COQ6: variants seen among roughly 807,000 people sequenced by gnomAD.
COQ6 encodes the protein ubiquinone biosynthesis monooxygenase COQ6, mitochondrial.
Under a neutral mutation model 55.5 loss-of-function variants are expected in COQ6, and 45 were observed. That is an observed-to-expected ratio of 0.81 (90% CI 0.64 to 1.04). The LOEUF is 1.04. Among genes scored for constraint, COQ6 ranks in the 50% least tolerant of loss-of-function variants. The pLI is 0.00. For missense variants in COQ6, 550 were observed against 601.3 expected (o/e 0.91, Z 0.89); for synonymous variants, 206 against 230.5 (o/e 0.89, Z 0.96).
At chr14:73,960,057 G>A in intron 8 of COQ6, 2 of 1,003,198 alleles carry the variant, frequency 2.0e-6, no homozygotes, top group Non-Finnish European at 2.4e-6. Context: ...CAGCTGCCTG[G>A]GTGGTGGTTA....
In COQ6 at chr14:73,954,569, T is replaced by C. The variant is rs948689538; in HGVS notation, c.299-882T>C. 5.9e-5 allele frequency among the ~76,000 whole-genome samples: 9 copies of C among 152,044 alleles called. No individual in the cohort carries two copies. In the South Asian group the frequency reaches 1.9e-3, roughly 32 times the overall value. ...AGAACAATATGGATTTGGGGCCGGG[T>C]GCGGTGGCTCACGCCTGTAATCTCA... is the stretch of plus-strand genomic sequence containing the variant. On this transcript the variant is annotated intron_variant, in intron 2 of 11. Transcript: ENST00000334571.
In COQ6 at chr14:73,950,359, C is replaced by G. The variant is rs759823841; in HGVS notation, c.27C>G (p.Cys9Trp). The change falls in exon 1 of 12, where the codon TGC becomes TGG. Residue 9 changes from cysteine (C) to tryptophan (W), a missense_variant. By Grantham distance (215) the Cys-to-Trp change is radical. Transcript: ENST00000334571. ...TGGCGGCCCGGCTTGTCAGCCGATG[C>G]GGGGCTGTGCGTGCAGCTCCCCACA... Reference protein sequence around the residue: MAARLVSRCGAVRAAPHSG... With the variant: MAARLVSRWGAVRAAPHSG... The G allele has an allele frequency of 3.2e-6, 5 of 1,557,704 alleles. No homozygotes were observed. The highest frequency in any genetic ancestry group is 1.9e-5 in the Admixed American group (1 of 52,182).
intron 2 of COQ6, among the ~76,000 whole-genome samples, chr14:73,954,828 A>C (rs750765412): frequency 2.1e-3 from 240 of 116,718 alleles, no homozygotes; most frequent in Non-Finnish European, 3.7e-3. Context: ...TGGGCTACAG[A>C]GCGAGATTCC....
In COQ6 at chr14:73,959,224, G is replaced by A. The variant is rs199768730; in HGVS notation, c.783G>A (p.Pro261=). ...FLPSGPIALL[P]LSDTLSSLVW... ...CCTCTGGGCCTATTGCTCTGCTCCC[G>A]GTAAGAGGTCCTTCTGACCAGTCCG... The change falls in exon 7 of 12, where the codon CCG becomes CCA. Residue 261 remains proline (P), a splice_region_variant and synonymous_variant. Coordinates refer to ENST00000334571, the MANE Select transcript of COQ6 (RefSeq NM_182476.3). The A allele has an allele frequency of 1.1e-5, 17 of 1,614,202 alleles. No homozygotes were observed. The highest frequency in any genetic ancestry group is 8.9e-5 in the East Asian group (4 of 44,886).
upstream of COQ6, chr14:73,950,082 C>T: frequency 6.2e-7 from 1 of 1,606,448 alleles, no homozygotes. Context: ...GCAGCGGTGG[C>T]AGCGAGAGCT....
chr14:73,954,627 G>A (rs2056330727), intron 2 of COQ6, among the ~76,000 whole-genome samples: 1 of 151,920 alleles, frequency 6.6e-6, no homozygotes, highest in South Asian at 2.1e-4. Flanking sequence ...GCGGATCACA[G>A]GGTCAGGCGA....
intron 1 of COQ6, among the ~76,000 whole-genome samples, chr14:73,952,012 G>A (rs2056218434): frequency 7.1e-6 from 1 of 141,640 alleles, no homozygotes; most frequent in Non-Finnish European, 1.5e-5. Context: ...AGAAGATAGT[G>A]CCCTTTACAG....
In COQ6 at chr14:73,950,719, T is replaced by G. The variant is rs2056157833; in HGVS notation, c.163+224T>G. ...GGGCGTTCAGAGTCTGTTCTACTCA[T>G]GGGAAAACAGGCCTTCCCGGGGTTA... On this transcript the variant is annotated intron_variant, in intron 1 of 11. Coordinates refer to ENST00000334571, the MANE Select transcript of COQ6 (RefSeq NM_182476.3). 8.0e-6 allele frequency: 5 copies of G among 621,756 alleles called. No individual in the cohort carries two copies. The South Asian group carries it at 1.1e-4, about 14-fold the overall frequency. The allele number at this position is 621,756 out of a possible 1,614,324, so 38.5% of individuals were successfully genotyped here. A position where few individuals can be genotyped will look rare whatever the true frequency, so the allele number is the denominator to read the frequency against.
chr14:73,956,393 T>C (rs897888410), intron 4 of COQ6: 2 of 170,370 alleles, frequency 1.2e-5, no homozygotes, highest in East Asian at 2.9e-4. Flanking sequence ...GTGGAATTGC[T>C]GGGTCATATA....
At chr14:73,954,954 A>T (rs868815268) in intron 2 of COQ6, among the ~76,000 whole-genome samples, 2,948 of 107,494 alleles carry the variant, frequency 0.027, 35 homozygotes, top group Middle Eastern at 0.05. Flanking sequence ...TTTTTATTTT[A>T]TTTTTTTTTT....
upstream of COQ6, chr14:73,950,064 T>A (rs200096368): frequency 1.2e-6 from 2 of 1,609,238 alleles, no homozygotes; most frequent in East Asian, 4.5e-5. Context: ...GTGACAGCGA[T>A]AGTGGCAGCA....
intron 2 of COQ6, 171 bp from the exon 3 acceptor site, chr14:73,955,280 A>G: frequency 1.5e-6 from 1 of 682,992 alleles, no homozygotes; most frequent in East Asian, 2.7e-5. Context: ...CATGCTATAC[A>G]ACCTGGAACT....
rs1290160947 is a variant in COQ6, at chr14:73,963,023, T to C, written c.*24T>C. Reference sequence around the variant, plus strand: ...GAGTACTCCTCTCCTAAAGAAAGATTACGTTGATGAAAAAGAACATCCTGC... The same window carrying C: ...GAGTACTCCTCTCCTAAAGAAAGATCACGTTGATGAAAAAGAACATCCTGC... On this transcript the variant is annotated 3_prime_UTR_variant, in exon 12 of 12. Transcript: ENST00000334571. The C allele has an allele frequency of 6.3e-7, 1 of 1,583,014 alleles. No individual in the cohort carries two copies. Among genetic ancestry groups the C allele is most frequent in the Non-Finnish European group, 8.7e-7 (1 of 1,151,632 alleles).
chr14:73,955,753 G>C, intron 3 of COQ6, 52 bp from the exon 4 acceptor site: 1 of 1,613,460 alleles, frequency 6.2e-7, no homozygotes, highest in African/African-American at 1.3e-5. Flanking sequence ...TTTCTGATTG[G>C]AGTGATGTTT....
chr14:73,950,097 G>A (rs764117403), upstream of COQ6: 2 of 1,604,194 alleles, frequency 1.2e-6, no homozygotes, highest in Admixed American at 3.3e-5. Context: ...AGAGCTATGC[G>A]GGGCCAGGGT....
upstream of COQ6, chr14:73,950,003 T>A (rs1470874842): frequency 6.2e-7 from 1 of 1,613,052 alleles, no homozygotes; most frequent in Non-Finnish European, 8.5e-7. Flanking sequence ...CTCCGGGGGC[T>A]CCCTCAGGCC....
At position 73,955,677 on chromosome 14, in the gene COQ6, T is replaced by A; in HGVS notation, c.358-128T>A. On this transcript the variant is annotated intron_variant, in intron 3 of 11. Coordinates refer to ENST00000334571, the MANE Select transcript of COQ6 (RefSeq NM_182476.3). Reference sequence around the variant, plus strand: ...CCAGGAGAATTTTCTTCTCATTTTATATTTTCCTACCAGAGAGGCTGACAA... The same window carrying A: ...CCAGGAGAATTTTCTTCTCATTTTAAATTTTCCTACCAGAGAGGCTGACAA... The A allele has an allele frequency of 2.0e-6, 3 of 1,487,722 alleles. No homozygotes were observed. The South Asian group carries it at 3.4e-5, about 17-fold the overall frequency. The allele number at this position is 1,487,722 out of a possible 1,614,324, so 92.2% of individuals were successfully genotyped here.
At chr14:73,950,584 A>C in intron 1 of COQ6, 89 bp downstream of exon 1, 1 of 1,497,014 alleles carries the variant, frequency 6.7e-7, no homozygotes, top group Non-Finnish European at 8.9e-7. Flanking sequence ...ACTTGCCCAA[A>C]GACAATTTCT....
In COQ6 at chr14:73,950,529, A is replaced by G. The variant is rs370437877; in HGVS notation, c.163+34A>G. 15 of 1,574,914 alleles carry G rather than the reference A, an allele frequency of 9.5e-6. No homozygotes were observed. The African/African-American group carries it at 2.0e-4, about 21-fold the overall frequency. Reference sequence around the variant, plus strand: ...TTCTCCAGGCTACTAGTGGCCGGAAACCGGGCCGCGGAGGCACGATGAGAG... The same window carrying G: ...TTCTCCAGGCTACTAGTGGCCGGAAGCCGGGCCGCGGAGGCACGATGAGAG... On this transcript the variant is annotated intron_variant, in intron 1 of 11. Transcript: ENST00000334571.
Sources: allele counts gnomAD v4.1 joint callset (sites outside exome capture counted in the v4.1 genomes callset), GRCh38; gene constraint gnomAD v4.1.1; transcripts MANE v1.5; gene names NCBI Gene and HGNC (gene_info 2026-07-23, HGNC 2026-07-21).